The following SLF1 variants were observed in gnomAD, a reference collection of about 807,000 sequenced individuals.
SLF1 encodes SMC5/6 complex localization factor 1.
SLF1 carries 105 observed loss-of-function variants against 123.0 expected under a neutral mutation model. That is an observed-to-expected ratio of 0.85 (90% confidence interval 0.73 to 1.00). SLF1 has a LOEUF of 1.00. Ranked by LOEUF, SLF1 falls within the 50% of genes least tolerant of loss-of-function variation. SLF1 has a pLI of 0.00. For synonymous variants in SLF1, 434 were observed against 406.6 expected (o/e 1.07, Z -0.81); for missense variants, 1,239 against 1,223.0 (o/e 1.01, Z -0.20).
chr5:94,678,043 C>T (rs919031870), intron 14 of SLF1, among the ~76,000 whole-genome samples: 1 of 152,058 alleles, frequency 6.6e-6, no homozygotes, highest in Non-Finnish European at 1.5e-5. Flanking sequence ...GCCTCAGCCT[C>T]CCGAGTAGCT....
chr5:94,663,932 T>C, intron 11 of SLF1, 24 bp downstream of exon 11: 9 of 1,452,974 alleles, frequency 6.2e-6, no homozygotes, highest in South Asian at 2.9e-5. Context: ...TAAGGATTTA[T>C]AATCTTTTTT....
intron 1 of SLF1, among the ~76,000 whole-genome samples, chr5:94,619,396 TC>T (rs893073534): frequency 6.6e-6 from 1 of 152,116 alleles, no homozygotes. Flanking sequence ...GGGTCTGTGT[TC>T]CTGGGGTTTA....
intron 16 of SLF1, among the ~76,000 whole-genome samples, chr5:94,687,683 C>G (rs1049480445): frequency 6.8e-6 from 1 of 146,642 alleles, no homozygotes; most frequent in Non-Finnish European, 1.5e-5. Flanking sequence ...CACACTAAGA[C>G]CCTGTCTCAA....
At position 94,691,741 on chromosome 5, in the gene SLF1, TTAAG is replaced by T. The variant is rs565362452; in HGVS notation, c.2512+89_2512+92del. Reference sequence around the variant, plus strand: ...TTTATATCACATTAAGAAAAATTATTTAAGTAAATTTACCTAAGGTATCTTAAAA... The same window carrying T: ...TTTATATCACATTAAGAAAAATTATTTAAATTTACCTAAGGTATCTTAAAA... On this transcript the variant is annotated intron_variant, in intron 19 of 20. Coordinates refer to ENST00000265140, the MANE Select transcript of SLF1 (RefSeq NM_032290.4). 4.6e-4 allele frequency: 475 copies of T among 1,038,478 alleles called. 1 individual carries two copies. In the African/African-American group the frequency reaches 7.5e-3, roughly 16 times the overall value. 64.3% of individuals were successfully genotyped at this position (1,038,478 alleles called of 1,614,324 possible). A position where few individuals can be genotyped will look rare whatever the true frequency, so the allele number is the denominator to read the frequency against.
At chr5:94,628,766 A>T in intron 1 of SLF1, 45 bp from the exon 2 acceptor site, 1 of 1,285,624 alleles carries the variant, frequency 7.8e-7, no homozygotes, top group South Asian at 1.6e-5. Context: ...CCCTGTGAAT[A>T]ATATCTTTAA....
intron 9 of SLF1, among the ~76,000 whole-genome samples, chr5:94,658,129 T>G (rs1561449049): frequency 6.6e-6 from 1 of 151,786 alleles, no homozygotes; most frequent in Non-Finnish European, 1.5e-5. Flanking sequence ...CATTTCTTCT[T>G]TTATTGTTTG....
At chr5:94,652,612 T>G (rs1201705536) in intron 7 of SLF1, among the ~76,000 whole-genome samples, 1 of 152,208 alleles carries the variant, frequency 6.6e-6, no homozygotes, top group Non-Finnish European at 1.5e-5. Flanking sequence ...GTTTGATTGT[T>G]AAGTTTTTGC....
intron 14 of SLF1, among the ~76,000 whole-genome samples, chr5:94,671,817 T>C (rs946614746): frequency 1.3e-5 from 2 of 151,976 alleles, no homozygotes; most frequent in Non-Finnish European, 2.9e-5. Flanking sequence ...TTCAAAGTAT[T>C]TTCTATTGTT....
chr5:94,686,188 C>CT (rs1347454682), intron 15 of SLF1, among the ~76,000 whole-genome samples: 1 of 152,126 alleles, frequency 6.6e-6, no homozygotes, highest in Non-Finnish European at 1.5e-5. Flanking sequence ...CATTTAAAAA[C>CT]TAATTACTGG....
chr5:94,653,716 A>G (rs1748028285), intron 8 of SLF1, among the ~76,000 whole-genome samples: 1 of 152,192 alleles, frequency 6.6e-6, no homozygotes, highest in African/African-American at 2.4e-5. Context: ...AATCTTTAAA[A>G]CTACATGTGT....
intron 20 of SLF1, among the ~76,000 whole-genome samples, chr5:94,692,959 C>T (rs181150038): frequency 3.2e-4 from 49 of 152,144 alleles, no homozygotes; most frequent in Middle Eastern, 3.4e-3. Context: ...ATGTTCAAAA[C>T]GGATTGGTGC....
chr5:94,690,932 C>CTGTGTGTG (rs3084537), intron 18 of SLF1, among the ~76,000 whole-genome samples: 1 of 144,680 alleles, frequency 6.9e-6, no homozygotes, highest in African/African-American at 2.5e-5. Context: ...GTGTGTGTGT[C>CTGTGTGTG]TGTGTGTGTG....
chr5:94,663,675 T>C (rs1303160790), intron 10 of SLF1, 75 bp from the exon 11 acceptor site: 1 of 1,150,770 alleles, frequency 8.7e-7, no homozygotes, highest in Non-Finnish European at 1.2e-6. Context: ...AAATAATAAA[T>C]TCTTACTAAT....
At chr5:94,656,357 A>C (rs563904174) in intron 9 of SLF1, among the ~76,000 whole-genome samples, 1 of 151,824 alleles carries the variant, frequency 6.6e-6, no homozygotes, top group Non-Finnish European at 1.5e-5. Flanking sequence ...ATCATAGTGT[A>C]CTGACTCTTT....
rs557328637 is a variant in SLF1 at position 94,620,907 on chromosome 5, A to G, written c.-1+2142A>G. ...TGTCTGGTTATTTTTGAGGAGGAAGAAAGACTTTCTCATATGAATCACTCT... is the reference window on the plus strand; with the variant it reads ...TGTCTGGTTATTTTTGAGGAGGAAGGAAGACTTTCTCATATGAATCACTCT... On this transcript the variant is annotated intron_variant, in intron 1 of 20. Coordinates refer to ENST00000265140, the MANE Select transcript of SLF1 (RefSeq NM_032290.4). 3.9e-5 allele frequency among the ~76,000 whole-genome samples: 6 copies of G among 152,294 alleles called. No homozygotes were observed. In the East Asian group the frequency reaches 9.6e-4, roughly 24 times the overall value.
rs769721252 is a variant in SLF1, at chr5:94,694,906, A to G, written c.2771A>G (p.Glu924Gly). ...TATGTGGTTTCACCTCAAATCAAAG[A>G]AGAACTGTTTGCTATTACAAAAATA... ...LDYVVSPQIK[E>G]ELFAITKIED... The change falls in exon 21 of 21, where the codon GAA becomes GGA. Residue 924 changes from glutamate (E) to glycine (G), a missense_variant. By Grantham distance (98) the Glu-to-Gly change is moderately conservative (BLOSUM62 -2). Coordinates refer to ENST00000265140, the MANE Select transcript of SLF1 (RefSeq NM_032290.4). 1.2e-5 allele frequency: 19 copies of G among 1,611,478 alleles called. No homozygotes were observed. The highest frequency in any genetic ancestry group is 1.6e-5 in the Non-Finnish European group (19 of 1,178,836).
intron 17 of SLF1, among the ~76,000 whole-genome samples, chr5:94,689,110 AAGAAG>A (rs909165098): frequency 4.9e-4 from 74 of 152,346 alleles, no homozygotes; most frequent in African/African-American, 1.7e-3. Context: ...CTGTGAGAGG[AAGAAG>A]AGAATAGAAT....
intron 12 of SLF1, among the ~76,000 whole-genome samples, chr5:94,668,488 C>T (rs1750075334): frequency 6.6e-6 from 1 of 152,088 alleles, no homozygotes; most frequent in Admixed American, 6.5e-5. Context: ...CATGCGCCAC[C>T]ACGCCTTGCT....
intron 5 of SLF1, among the ~76,000 whole-genome samples, chr5:94,645,532 A>C (rs933599342): frequency 5.9e-5 from 9 of 152,202 alleles, no homozygotes; most frequent in Non-Finnish European, 4.4e-5. Context: ...AAGAGAACGA[A>C]AGTTGTTCTT....
Sources: allele counts gnomAD v4.1 joint callset (sites outside exome capture counted in the v4.1 genomes callset), GRCh38; gene constraint gnomAD v4.1.1; transcripts MANE v1.5; gene names NCBI Gene and HGNC (gene_info 2026-07-23, HGNC 2026-07-21).